The following PHYH variants were observed in gnomAD, a reference collection of about 807,000 sequenced individuals.
PHYH encodes phytanoyl-CoA dioxygenase, peroxisomal.
A neutral mutation model predicts 38.5 loss-of-function variants in PHYH; 32 were observed. The observed-to-expected ratio is 0.83, with a 90% CI of 0.63 to 1.12. The LOEUF (loss-of-function observed/expected upper bound fraction) is 1.12, where lower values mean the gene tolerates loss of function less well. PHYH is among the 50% of genes most tolerant of loss of function. The pLI is 0.00. For missense variants in PHYH, 426 were observed against 434.8 expected (o/e 0.98, Z 0.18); for synonymous variants, 166 against 157.9 (o/e 1.05, Z -0.38).
At chr10:13,298,946 T>G (rs1832660989) in intron 1 of PHYH, among the ~76,000 whole-genome samples, 1 of 145,386 alleles carries the variant, frequency 6.9e-6, no homozygotes, top group African/African-American at 2.5e-5. Context: ...ATAATAATAA[T>G]AATAATAATA....
Position 13,294,562 on chromosome 10 carries a change from T to C in PHYH, c.280A>G (p.Lys94Glu). ...CTCATTACTGTTAATCCTAATGGTT[T>C]CACCTCCTTTCTGCAGATTTTTTCA... ...EFEKICRKEVKPLGLTVMRDV... is the reference protein window; with the variant it reads ...EFEKICRKEVEPLGLTVMRDV... The change falls in exon 4 of 9, where the codon AAA becomes GAA. Residue 94 changes from lysine to glutamate, a missense_variant. Coordinates refer to ENST00000263038, the MANE Select transcript of PHYH (RefSeq NM_006214.4). 6.2e-7 allele frequency: 1 copy of C among 1,614,104 alleles called. No homozygotes were observed. The highest frequency in any genetic ancestry group is 8.5e-7 in the Non-Finnish European group (1 of 1,179,936).
chr10:13,279,407 C>T (rs1324771791), intron 8 of PHYH, among the ~76,000 whole-genome samples: 1 of 152,116 alleles, frequency 6.6e-6, no homozygotes, highest in African/African-American at 2.4e-5. Flanking sequence ...TGGGTTTCTT[C>T]CCCCTCTGCC....
At chr10:13,297,388 T>C (rs1832590677) in intron 2 of PHYH, among the ~76,000 whole-genome samples, 1 of 152,098 alleles carries the variant, frequency 6.6e-6, no homozygotes, top group Admixed American at 6.6e-5. Context: ...CCTTTAAAGG[T>C]GATTTAAGAT....
intron 6 of PHYH, among the ~76,000 whole-genome samples, chr10:13,284,226 G>A (rs1292339765): frequency 6.6e-6 from 1 of 152,116 alleles, no homozygotes; most frequent in Admixed American, 6.6e-5. Context: ...AGGAGGCTGA[G>A]GTGGGAGGAT....
chr10:13,278,530 TACTCA>T (rs148574514), intron 8 of PHYH, among the ~76,000 whole-genome samples, 176 bp from the exon 9 acceptor site: 1,569 of 152,248 alleles, frequency 0.01, 26 homozygotes, highest in African/African-American at 0.036. Flanking sequence ...TTAAACTACT[TACTCA>T]ACTCTTTTTT....
At chr10:13,287,390 T>C (rs1326697983) in intron 6 of PHYH, among the ~76,000 whole-genome samples, 1 of 152,132 alleles carries the variant, frequency 6.6e-6, no homozygotes, top group African/African-American at 2.4e-5. Flanking sequence ...TCGATCTTCC[T>C]AAAAGTTTGA....
At position 13,300,005 on chromosome 10, in the gene PHYH, A is replaced by T. The variant is rs1220122195; in HGVS notation, c.38T>A (p.Val13Asp). ...QLRAAARLQI[V>D]LGHLGRPSAG... ...CGAGGGGCGGCCGAGGTGGCCCAGA[A>T]CAATCTGCAGACGGGCGGCGGCGCG... is the stretch of plus-strand genomic sequence containing the variant. Residue 13 changes from valine to aspartate, a missense_variant, in exon 1 of 9, where the codon GTT becomes GAT. By Grantham distance (152) the Val-to-Asp change is radical. Transcript: ENST00000263038. 6.5e-7 allele frequency: 1 copy of T among 1,532,894 alleles called. No homozygotes were observed. The highest frequency in any genetic ancestry group is 1.4e-5 in the African/African-American group (1 of 72,002). The allele number at this position is 1,532,894 out of a possible 1,614,324, so 95.0% of individuals were successfully genotyped here.
chr10:13,295,640 A>G (rs1162473062), intron 2 of PHYH, 34 bp from the exon 3 acceptor site: 2 of 913,290 alleles, frequency 2.2e-6, no homozygotes, highest in Non-Finnish European at 3.7e-6. Context: ...AATAAGTTAC[A>G]TTTTTAAATT....
intron 2 of PHYH, among the ~76,000 whole-genome samples, chr10:13,295,924 T>G (rs1835837626): frequency 1.3e-5 from 2 of 152,032 alleles, no homozygotes. Flanking sequence ...TCCCAGCACT[T>G]TGGGAGGCCG....
chr10:13,295,356 C>A, intron 3 of PHYH, 140 bp downstream of exon 3: 1 of 646,884 alleles, frequency 1.5e-6, no homozygotes. Context: ...AGTCTGGCAC[C>A]AGAGCCCATG....
intron 4 of PHYH, among the ~76,000 whole-genome samples, chr10:13,294,013 G>C (rs189794110): frequency 0.7 from 105,502 of 151,130 alleles, 37,751 homozygotes; most frequent in East Asian, 0.89. Context: ...ACCAGCCTGA[G>C]CAATATGGTG....
intron 6 of PHYH, among the ~76,000 whole-genome samples, chr10:13,284,749 G>A (rs923532330): frequency 2.0e-5 from 3 of 152,172 alleles, no homozygotes; most frequent in East Asian, 3.8e-4. Context: ...AGGTAATGCG[G>A]TTATGTCTTT....
chr10:13,295,559 T>C lies in PHYH; in HGVS notation c.182A>G (p.Tyr61Cys). Residue 61 changes from tyrosine to cysteine, a missense_variant, in exon 3 of 9, where the codon TAT (tyrosine) becomes TGT (cysteine). Physicochemically the swap from Tyr to Cys is radical, Grantham distance 194. Coordinates refer to ENST00000263038, the MANE Select transcript of PHYH (RefSeq NM_006214.4). Reference sequence around the variant, plus strand: ...GATTACTAGAAACCCATTTTCTTCATAAAATTTTCTCTGTTCCAGGGTTAG... The same window carrying C: ...GATTACTAGAAACCCATTTTCTTCACAAAATTTTCTCTGTTCCAGGGTTAG... ...NVLTLEQRKF[Y>C]EENGFLVIKN... The C allele has an allele frequency of 3.9e-6, 6 of 1,554,806 alleles. No individual in the cohort carries two copies. Among genetic ancestry groups the C allele is most frequent in the Middle Eastern group, 1.7e-4 (1 of 5,928 alleles).
intron 6 of PHYH, among the ~76,000 whole-genome samples, chr10:13,284,975 T>A (rs1160978738): frequency 6.6e-6 from 1 of 152,160 alleles, no homozygotes; most frequent in Admixed American, 6.6e-5. Context: ...GAGCAGGGTA[T>A]CTGAGACTCC....
rs1190691575 is a variant in PHYH, at chr10:13,281,024, T to C, written c.915A>G (p.Val305=). 2.5e-6 allele frequency: 4 copies of C among 1,613,918 alleles called. No homozygotes were observed. The highest frequency in any genetic ancestry group is 3.4e-6 in the Non-Finnish European group (4 of 1,179,834). ...CTCCAAAGAATTTATGTGCTATTCCTACAACTTCCTTCTCGATGTTTTCTT... is the reference window on the plus strand; with the variant it reads ...CTCCAAAGAATTTATGTGCTATTCCCACAACTTCCTTCTCGATGTTTTCTT... ...TSQENIEKEV[V]GIAHKFFGAE... Residue 305 remains valine (V), a synonymous_variant, in exon 8 of 9, where the codon GTA becomes GTG. Transcript: ENST00000263038.
In PHYH at chr10:13,291,861, T is replaced by C; in HGVS notation, c.466A>G (p.Thr156Ala). ...TCTGGAGGTTTGTTTATCAACATTG[T>C]GTGCATGGCCATAATATTAGGTCCA... The part of the protein sequence containing the change: ...FTGPNIMAMH[T>A]MLINKPPDSG... Residue 156 changes from threonine (T) to alanine (A), a missense_variant, in exon 5 of 9, where the codon ACA becomes GCA. Thr to Ala is a moderately conservative substitution (Grantham distance 58). Transcript: ENST00000263038. The C allele has an allele frequency of 1.2e-6, 2 of 1,610,866 alleles. No individual in the cohort carries two copies. The highest frequency in any genetic ancestry group is 8.5e-7 in the Non-Finnish European group (1 of 1,177,794).
In PHYH at chr10:13,288,389, G is replaced by C. The variant is rs200627042; in HGVS notation, c.649C>G (p.Leu217Val). ...CACTTGGGGTAATCGTGGGGCTTCA[G>C]GGAGCCCTTGTGTGTGCCTGGGAGC... Reference protein sequence around the residue: ...VVLPGTHKGSLKPHDYPKWEG... With the variant: ...VVLPGTHKGSVKPHDYPKWEG... Residue 217 changes from leucine to valine, a missense_variant, in exon 6 of 9, where the codon CTG becomes GTG. Leu to Val is a conservative substitution (Grantham distance 32, BLOSUM62 1). Transcript: ENST00000263038. 1.1e-5 allele frequency: 17 copies of C among 1,614,068 alleles called. No individual in the cohort carries two copies. In the East Asian group the frequency reaches 3.6e-4, roughly 34 times the overall value.
rs1449413938 is a variant in PHYH at position 13,283,719 on chromosome 10, C to G, written c.799G>C (p.Gly267Arg). 6.2e-7 allele frequency: 1 copy of G among 1,614,034 alleles called. No individual in the cohort carries two copies. The highest frequency in any genetic ancestry group is 1.1e-5 in the South Asian group (1 of 91,070). The change falls in exon 7 of 9, where the codon GGT becomes CGT. Residue 267 changes from glycine to arginine, a missense_variant. Coordinates refer to ENST00000263038, the MANE Select transcript of PHYH (RefSeq NM_006214.4). Reference protein sequence around the residue: ...FFHPLLIHGSGQNKTQGFRKA... With the variant: ...FFHPLLIHGSRQNKTQGFRKA... ...CGGAATCCCTGGGTTTTATTCTGACCAGATCCGTGGATGAGCAAAGGATGG... is the reference window on the plus strand; with the variant it reads ...CGGAATCCCTGGGTTTTATTCTGACGAGATCCGTGGATGAGCAAAGGATGG...
At chr10:13,282,727 T>C (rs1256877091) in intron 7 of PHYH, among the ~76,000 whole-genome samples, 1 of 152,138 alleles carries the variant, frequency 6.6e-6, no homozygotes, top group Non-Finnish European at 1.5e-5. Context: ...TCCAATAGTG[T>C]CTTTTATTTA....
Sources: gnomAD v4.1 joint callset for allele counts (sites outside exome capture counted in the v4.1 genomes callset) on GRCh38, gnomAD v4.1.1 for gene constraint, MANE v1.5 for transcripts, NCBI Gene and HGNC (gene_info 2026-07-23, HGNC 2026-07-21) for gene names.